Variants in BCAS3 observed in about 807,000 individuals in gnomAD.
BCAS3 encodes BCAS3 microtubule associated cell migration factor, also known as BCAS4/BCAS3 fusion.
In BCAS3, 53 loss-of-function variants were observed where a neutral mutation model predicts 116.1. The ratio of observed to expected loss-of-function variants is 0.46; its 90% CI spans 0.37 to 0.57. BCAS3 has a LOEUF of 0.57. Among genes scored for constraint, BCAS3 ranks in the 20% least tolerant of loss-of-function variants. BCAS3 has a pLI of 0.00. For synonymous variants in BCAS3, 391 were observed against 408.2 expected (o/e 0.96, Z 0.51); for missense variants, 917 against 1,165.4 (o/e 0.79, Z 3.10).
chr17:61,116,849 G>C (rs1435572676), intron 22 of BCAS3, among the ~76,000 whole-genome samples: 1 of 152,180 alleles, frequency 6.6e-6, no homozygotes, highest in Non-Finnish European at 1.5e-5. Context: ...GATGACAAAT[G>C]TGATGTTAAT....
intron 16 of BCAS3, among the ~76,000 whole-genome samples, chr17:61,030,513 A>G (rs1262676126): frequency 6.6e-6 from 1 of 152,068 alleles, no homozygotes; most frequent in Non-Finnish European, 1.5e-5. Flanking sequence ...CTTTGCAAAT[A>G]TTTTTGAAGT....
At chr17:60,807,694 A>G (rs767258767) in intron 6 of BCAS3, among the ~76,000 whole-genome samples, 3 of 151,594 alleles carry the variant, frequency 2.0e-5, no homozygotes, top group Non-Finnish European at 4.4e-5. Flanking sequence ...AGGCAGGAGA[A>G]TTGTTTGAAC....
chr17:60,850,107 C>T (rs1285948903), intron 7 of BCAS3, among the ~76,000 whole-genome samples: 1 of 152,100 alleles, frequency 6.6e-6, no homozygotes, highest in African/African-American at 2.4e-5. Context: ...ATCATTAACA[C>T]ATTAAATTAG....
At chr17:61,170,405 G>T (rs2078773477) in intron 22 of BCAS3, among the ~76,000 whole-genome samples, 1 of 151,868 alleles carries the variant, frequency 6.6e-6, no homozygotes, top group South Asian at 2.1e-4. Flanking sequence ...CCATTCTCCT[G>T]CCTCAGCCTC....
chr17:61,288,021 C>G (rs543571256), intron 22 of BCAS3, among the ~76,000 whole-genome samples: 1 of 152,308 alleles, frequency 6.6e-6, no homozygotes, highest in South Asian at 2.1e-4. Context: ...ACAACTCTAG[C>G]TTGTTACTCT....
chr17:60,773,997 G>A (rs2045021782), intron 6 of BCAS3, among the ~76,000 whole-genome samples: 1 of 152,088 alleles, frequency 6.6e-6, no homozygotes, highest in Non-Finnish European at 1.5e-5. Flanking sequence ...TATCAGATAA[G>A]GCTTTTGGAA....
chr17:61,139,407 A>T lies in BCAS3; in HGVS notation c.2425+54843A>T, dbSNP rs1026883599. Among the ~76,000 whole-genome samples, 2 of 152,144 alleles carry T rather than the reference A, an allele frequency of 1.3e-5. No homozygotes were observed. Among genetic ancestry groups the T allele is most frequent in the African/African-American group, 4.8e-5 (2 of 41,424 alleles). On this transcript the variant is annotated intron_variant, in intron 22 of 23. Transcript: ENST00000407086. The surrounding 1 kb of genome is among the most constrained non-coding windows in gnomAD (Gnocchi z 4.7). ...GTGGTTTTGGTGTTTCCTCTTACAC[A>T]TGTGTCTTCCTTCTTCAGTTTCTCA...
chr17:61,159,679 C>A (rs763690250), intron 22 of BCAS3, among the ~76,000 whole-genome samples: 26 of 152,160 alleles, frequency 1.7e-4, no homozygotes, highest in Non-Finnish European at 3.2e-4. Flanking sequence ...GAGAGGCAGA[C>A]CCTTTGTCTT....
At chr17:61,176,357 A>G (rs1246724503) in intron 22 of BCAS3, among the ~76,000 whole-genome samples, 2 of 84,776 alleles carry the variant, frequency 2.4e-5, no homozygotes, top group Non-Finnish European at 5.4e-5. Flanking sequence ...TTACCCAGAA[A>G]ATTTTTTTCT....
chr17:61,168,520 C>T (rs2078651211), intron 22 of BCAS3, among the ~76,000 whole-genome samples: 1 of 152,042 alleles, frequency 6.6e-6, no homozygotes, highest in South Asian at 2.1e-4. Flanking sequence ...TCTAATTTTC[C>T]CTCCTGCCAA....
At chr17:61,103,620 T>G (rs1400320503) in intron 22 of BCAS3, among the ~76,000 whole-genome samples, 1 of 152,202 alleles carries the variant, frequency 6.6e-6, no homozygotes, top group Non-Finnish European at 1.5e-5. Flanking sequence ...GAGGAACAGA[T>G]CACTCTCCTG....
rs2079463679 is a variant in BCAS3 at position 61,181,237 on chromosome 17, G to A, written c.2425+96673G>A. 6.6e-6 allele frequency among the ~76,000 whole-genome samples: 1 copy of A among 152,126 alleles called. No individual in the cohort carries two copies. Among genetic ancestry groups the A allele is most frequent in the African/African-American group, 2.4e-5 (1 of 41,428 alleles). On this transcript the variant is annotated intron_variant, in intron 22 of 23. Transcript: ENST00000407086. The surrounding 1 kb of genome is among the most constrained non-coding windows in gnomAD (Gnocchi z 5.0). ...AACAGTTTAATTAATTAATTGGTAT[G>A]ACTGGTGAGGAACAAGATGATTCGT...
chr17:60,804,737 A>G (rs1001171460), intron 6 of BCAS3, among the ~76,000 whole-genome samples: 1 of 152,196 alleles, frequency 6.6e-6, no homozygotes, highest in Non-Finnish European at 1.5e-5. Context: ...GTATATGTGT[A>G]GGGTGAACTT....
At chr17:60,753,379 C>G in intron 6 of BCAS3, among the ~76,000 whole-genome samples, 1 of 131,268 alleles carries the variant, frequency 7.6e-6, no homozygotes, top group South Asian at 2.5e-4. Context: ...TTATTTGTCT[C>G]TTATTTTATT....
chr17:60,714,124 A>C (rs902958003), intron 5 of BCAS3, among the ~76,000 whole-genome samples: 2 of 152,122 alleles, frequency 1.3e-5, no homozygotes, highest in Non-Finnish European at 2.9e-5. Flanking sequence ...GGCGTGAGCT[A>C]CCGTGCCTGG....
At chr17:60,951,920 C>T (rs948504133) in intron 14 of BCAS3, among the ~76,000 whole-genome samples, 53 of 151,808 alleles carry the variant, frequency 3.5e-4, no homozygotes, top group Non-Finnish European at 5.9e-5. Context: ...TATAGGCACC[C>T]GCCACCACAC....
At chr17:61,078,915 TCTCCCTTC>T (rs753107774) in intron 21 of BCAS3, among the ~76,000 whole-genome samples, 104 of 152,220 alleles carry the variant, frequency 6.8e-4, no homozygotes, top group Non-Finnish European at 1.3e-3. Context: ...TAATCCTGTA[TCTCCCTTC>T]TTTTAGATTA....
At chr17:60,825,303 A>G (rs1181836329) in intron 7 of BCAS3, among the ~76,000 whole-genome samples, 1 of 151,758 alleles carries the variant, frequency 6.6e-6, no homozygotes, top group Non-Finnish European at 1.5e-5. Flanking sequence ...TTATATACAT[A>G]TCTTAGTAAT....
At position 61,279,945 on chromosome 17, in the gene BCAS3, A is replaced by C. The variant is rs1219635373; in HGVS notation, c.2426-88382A>C. On this transcript the variant is annotated intron_variant, in intron 22 of 23. Coordinates refer to ENST00000407086, the MANE Select transcript of BCAS3 (RefSeq NM_017679.5). The surrounding 1 kb of genome is among the most constrained non-coding windows in gnomAD (Gnocchi z 4.4). ...TTTTCTCTCAATCCTGCTCCTGCTGAGTCTACATTAACTCTTTGTTTAGCT... is the reference window on the plus strand; with the variant it reads ...TTTTCTCTCAATCCTGCTCCTGCTGCGTCTACATTAACTCTTTGTTTAGCT... Among the ~76,000 whole-genome samples, 1 of 151,618 alleles carries C rather than the reference A, an allele frequency of 6.6e-6. No homozygotes were observed. The highest frequency in any genetic ancestry group is 2.4e-5 in the African/African-American group (1 of 41,302).
Sources: allele counts gnomAD v4.1 joint callset (sites outside exome capture counted in the v4.1 genomes callset), GRCh38; gene constraint gnomAD v4.1.1; non-coding constraint Gnocchi (gnomAD v3.1); transcripts MANE v1.5; gene names NCBI Gene and HGNC (gene_info 2026-07-23, HGNC 2026-07-21).